The following MYO18B variants were observed in gnomAD, a reference collection of about 807,000 sequenced individuals.
The protein encoded by MYO18B is unconventional myosin-XVIIIb.
A neutral mutation model predicts 273.0 loss-of-function variants in MYO18B; 204 were observed. The ratio of observed to expected loss-of-function variants is 0.75; its 90% CI spans 0.67 to 0.84. The LOEUF (loss-of-function observed/expected upper bound fraction) is 0.84. MYO18B is among the 40% of genes least tolerant of loss of function. The probability of loss-of-function intolerance (pLI) is 0.00; values close to 1 mark genes in which losing one functional copy is unlikely to be tolerated. For missense variants in MYO18B, 3,212 were observed against 3,287.6 expected, an observed-to-expected ratio of 0.98 and a Z score of 0.56; for synonymous variants, 1,330 against 1,305.7, an observed-to-expected ratio of 1.02 and a Z score of -0.40.
intron 15 of MYO18B, among the ~76,000 whole-genome samples, chr22:25,829,487 G>T (rs887120521): frequency 3.4e-5 from 5 of 148,788 alleles, no homozygotes; most frequent in African/African-American, 1.2e-4. Flanking sequence ...CAGGAAGCAT[G>T]TACAGGCATG....
chr22:26,026,250 T>G (rs962160498), intron 42 of MYO18B, among the ~76,000 whole-genome samples, 195 bp from the exon 43 acceptor site: 1 of 152,220 alleles, frequency 6.6e-6, no homozygotes, highest in Non-Finnish European at 1.5e-5. Context: ...GAAATTGCAT[T>G]CGGAAAGCAA....
chr22:25,778,287 C>CA (rs113893172), intron 8 of MYO18B, among the ~76,000 whole-genome samples: 61,405 of 151,832 alleles, frequency 0.4, 12,753 homozygotes, highest in African/African-American at 0.51. Flanking sequence ...AAAGTGCTGG[C>CA]AGGGCAGGCT....
At position 25,870,059 on chromosome 22, in the gene MYO18B, G is replaced by A. The variant is rs143570458; in HGVS notation, c.3951+1674G>A. ...TCAAGTGTGTTCCTGCTTTACAGAT[G>A]AGGAAGCTGTGCCCCTGGGAAATAA... On this transcript the variant is annotated intron_variant, in intron 22 of 43. Coordinates refer to ENST00000335473, the MANE Select transcript of MYO18B (RefSeq NM_032608.7). 4.4e-3 allele frequency among the ~76,000 whole-genome samples: 677 copies of A among 152,318 alleles called. 6 individuals are homozygous for A. Among genetic ancestry groups the A allele is most frequent in the African/African-American group, 0.016 (650 of 41,584 alleles).
intron 21 of MYO18B, among the ~76,000 whole-genome samples, chr22:25,855,576 G>A (rs773642919): frequency 1.3e-5 from 2 of 152,070 alleles, no homozygotes; most frequent in Non-Finnish European, 2.9e-5. Flanking sequence ...CACTGCGCCC[G>A]GCCCTCATTC....
intron 30 of MYO18B, 61 bp downstream of exon 30, chr22:25,902,797 A>G (rs2091964998): frequency 3.3e-6 from 5 of 1,518,486 alleles, no homozygotes; most frequent in East Asian, 2.5e-5. Flanking sequence ...GGGAAACTGC[A>G]TCGTGCACCT....
intron 11 of MYO18B, among the ~76,000 whole-genome samples, chr22:25,790,350 A>T (rs2087607578): frequency 6.6e-6 from 1 of 152,146 alleles, no homozygotes; most frequent in African/African-American, 2.4e-5. Context: ...ATGGTTTTAA[A>T]CCTTTTTGTG....
the MYO18B span, among the ~76,000 whole-genome samples, chr22:26,050,763 A>G: frequency 6.6e-6 from 1 of 152,244 alleles, no homozygotes; most frequent in Non-Finnish European, 1.5e-5. Flanking sequence ...ATTACGTGTT[A>G]GAACAGTGGC....
At chr22:26,037,666 A>G in the MYO18B span, among the ~76,000 whole-genome samples, 3 of 152,312 alleles carry the variant, frequency 2.0e-5, no homozygotes, top group South Asian at 6.2e-4. Context: ...GACCTACCTC[A>G]AAAATGGGGT....
the MYO18B span, among the ~76,000 whole-genome samples, chr22:26,051,216 CTTTTTTTTTTT>C: frequency 1.1e-5 from 1 of 92,608 alleles, no homozygotes; most frequent in South Asian, 4.6e-4. Context: ...TAATTGGTCC[CTTTTTTTTTTT>C]TTTTTTTTTT....
At chr22:26,049,881 C>T in the MYO18B span, among the ~76,000 whole-genome samples, 1 of 152,176 alleles carries the variant, frequency 6.6e-6, no homozygotes, top group East Asian at 1.9e-4. Flanking sequence ...GACACAGTGG[C>T]TGGTATACAA....
At chr22:25,785,305 G>A in intron 10 of MYO18B, 123 bp from the exon 11 acceptor site, 1 of 832,114 alleles carries the variant, frequency 1.2e-6, no homozygotes, top group Non-Finnish European at 1.9e-6. Context: ...CCAAGGCCAG[G>A]GACAGGGACA....
chr22:26,035,438 A>G (rs1463356807), downstream of MYO18B, among the ~76,000 whole-genome samples: 1 of 152,200 alleles, frequency 6.6e-6, no homozygotes, highest in Non-Finnish European at 1.5e-5. Flanking sequence ...GCAATCAGGA[A>G]TGCAATTGGG....
Position 25,874,369 on chromosome 22 carries a change from G to T in MYO18B, c.4035G>T (p.Ala1345=). 1 of 1,613,992 alleles carries T rather than the reference G, an allele frequency of 6.2e-7. No individual in the cohort carries two copies. Among genetic ancestry groups the T allele is most frequent in the Non-Finnish European group, 8.5e-7 (1 of 1,179,882 alleles). The part of the protein sequence containing the change: ...LVSQSIVLFQ[A]ACKGFLSRQE... The stretch of plus-strand genomic sequence containing the variant: ...CTCAGAGCATCGTTCTCTTCCAGGC[G>T]GCTTGCAAGGGCTTTCTGTCTCGCC... Residue 1345 remains alanine, a synonymous_variant, in exon 23 of 44, where the codon GCG becomes GCT. Transcript: ENST00000335473.
intron 38 of MYO18B, among the ~76,000 whole-genome samples, chr22:25,953,906 C>T (rs1382545474): frequency 1.3e-5 from 2 of 152,156 alleles, no homozygotes; most frequent in African/African-American, 4.8e-5. Flanking sequence ...GAACTCCTTC[C>T]ACTCTTCCTG....
chr22:25,997,139 A>G (rs1379846602), intron 40 of MYO18B, among the ~76,000 whole-genome samples: 1 of 151,848 alleles, frequency 6.6e-6, no homozygotes, highest in Non-Finnish European at 1.5e-5. Context: ...CCTGGCCAAC[A>G]TGGTGAAACC....
chr22:25,949,220 T>C (rs2092763602), intron 36 of MYO18B, among the ~76,000 whole-genome samples: 1 of 152,198 alleles, frequency 6.6e-6, no homozygotes, highest in Non-Finnish European at 1.5e-5. Context: ...TCCTCTGCCT[T>C]GTCCAGTGCT....
At chr22:25,945,114 A>G (rs1479702201) in intron 34 of MYO18B, among the ~76,000 whole-genome samples, 2 of 152,208 alleles carry the variant, frequency 1.3e-5, no homozygotes, top group African/African-American at 4.8e-5. Flanking sequence ...TCGAGGATCT[A>G]GTGAAAGCTA....
At chr22:25,887,888 T>A (rs2091548696) in intron 25 of MYO18B, among the ~76,000 whole-genome samples, 1 of 152,210 alleles carries the variant, frequency 6.6e-6, no homozygotes, top group Non-Finnish European at 1.5e-5. Flanking sequence ...TCAGGCCGGT[T>A]AGCATAAATT....
At chr22:25,809,088 A>G (rs1002647315) in intron 12 of MYO18B, among the ~76,000 whole-genome samples, 4 of 151,974 alleles carry the variant, frequency 2.6e-5, no homozygotes, top group East Asian at 1.9e-4. Context: ...GATTACAGGT[A>G]CCTGCCACCA....
Sources: gnomAD v4.1 joint callset for allele counts (sites outside exome capture counted in the v4.1 genomes callset) on GRCh38, gnomAD v4.1.1 for gene constraint, MANE v1.5 for transcripts, NCBI Gene and HGNC (gene_info 2026-07-23, HGNC 2026-07-21) for gene names.